Variants in ANKRD36 observed in about 807,000 individuals in gnomAD.
ANKRD36 encodes the protein ankyrin repeat domain-containing protein 36A.
Under a neutral mutation model 278.1 loss-of-function variants are expected in ANKRD36, and 179 were observed. The observed-to-expected ratio is 0.64, with a 90% confidence interval of 0.57 to 0.73. ANKRD36 has a LOEUF of 0.73. Among genes scored for constraint, ANKRD36 ranks in the 30% least tolerant of loss-of-function variants. ANKRD36 has a pLI of 0.00. For synonymous variants in ANKRD36, 320 were observed against 641.1 expected, an observed-to-expected ratio of 0.50 and a Z score of 7.57; for missense variants, 1,159 against 1,956.7, an observed-to-expected ratio of 0.59 and a Z score of 7.69.
At chr2:97,147,504 T>G (rs552883981) in intron 11 of ANKRD36, among the ~76,000 whole-genome samples, 3 of 151,984 alleles carry the variant, frequency 2.0e-5, no homozygotes, top group Admixed American at 2.0e-4. Flanking sequence ...AACATCCTGA[T>G]CAAGTGGTTG....
At chr2:97,127,838 T>A (rs946737406) in intron 6 of ANKRD36, among the ~76,000 whole-genome samples, 1 of 152,048 alleles carries the variant, frequency 6.6e-6, no homozygotes, top group Non-Finnish European at 1.5e-5. Flanking sequence ...ATTTTTTATT[T>A]GTAAAAAAAC....
chr2:97,116,550 A>G (rs1369703481), intron 1 of ANKRD36, among the ~76,000 whole-genome samples: 1 of 152,078 alleles, frequency 6.6e-6, no homozygotes, highest in Non-Finnish European at 1.5e-5. Context: ...CTGGGATTAC[A>G]GGTGTGAGCC....
At chr2:97,208,183 C>A (rs2063384350) in intron 54 of ANKRD36, among the ~76,000 whole-genome samples, 177 bp downstream of exon 54, 1 of 146,304 alleles carries the variant, frequency 6.8e-6, no homozygotes, top group African/African-American at 2.7e-5. Flanking sequence ...GGAACATGAT[C>A]TTCGCAGTAA....
intron 66 of ANKRD36, among the ~76,000 whole-genome samples, chr2:97,222,794 G>A (rs1208731567): frequency 6.6e-6 from 1 of 152,084 alleles, no homozygotes; most frequent in Non-Finnish European, 1.5e-5. Flanking sequence ...CTATATAGAA[G>A]TGTTGATATT....
At chr2:97,220,073 G>T (rs1185516650) in intron 66 of ANKRD36, among the ~76,000 whole-genome samples, 1 of 128,932 alleles carries the variant, frequency 7.8e-6, no homozygotes, top group Non-Finnish European at 1.5e-5. Flanking sequence ...GTGTGTGTGT[G>T]TGTGTGTGTG....
chr2:97,213,257 T>A (rs1406759223), intron 58 of ANKRD36, 162 bp from the exon 59 acceptor site: 1 of 257,366 alleles, frequency 3.9e-6, no homozygotes, highest in Non-Finnish European at 6.9e-6. Context: ...CCTTTTTCAG[T>A]GTATTTCTGT....
intron 8 of ANKRD36, among the ~76,000 whole-genome samples, 152 bp downstream of exon 8, chr2:97,142,987 G>A (rs2043308347): frequency 1.3e-5 from 2 of 151,958 alleles, no homozygotes; most frequent in Middle Eastern, 3.4e-3. Context: ...GGGTGACGCC[G>A]ATGCTACTGG....
chr2:97,213,788 T>C (rs1265895597), intron 60 of ANKRD36, among the ~76,000 whole-genome samples, 174 bp downstream of exon 60: 8 of 151,840 alleles, frequency 5.3e-5, no homozygotes, highest in African/African-American at 1.9e-4. Context: ...GTCTTGGACA[T>C]GATCTTTGCA....
At chr2:97,117,228 T>C (rs1290327902) in intron 1 of ANKRD36, among the ~76,000 whole-genome samples, 3 of 152,080 alleles carry the variant, frequency 2.0e-5, no homozygotes, top group African/African-American at 7.2e-5. Context: ...TTCATTTGAA[T>C]CCTGAGTTTT....
At chr2:97,193,184 A>C in intron 38 of ANKRD36, 131 bp downstream of exon 38, 3 of 989,548 alleles carry the variant, frequency 3.0e-6, no homozygotes, top group Non-Finnish European at 4.3e-6. Flanking sequence ...TCTTCATTTC[A>C]AATAAGTTCT....
At chr2:97,169,564 GCT>G (rs1299057091) in intron 22 of ANKRD36, among the ~76,000 whole-genome samples, 1 of 152,280 alleles carries the variant, frequency 6.6e-6, no homozygotes, top group Non-Finnish European at 1.5e-5. Context: ...ATCTCCTTCA[GCT>G]GATAAGCAAC....
Position 97,196,801 on chromosome 2 carries a change from A to G in ANKRD36, c.2653+13A>G, listed in dbSNP as rs1365043605. 1.3e-6 allele frequency: 2 copies of G among 1,545,108 alleles called. No individual in the cohort carries two copies. Among genetic ancestry groups the G allele is most frequent in the East Asian group, 4.9e-5 (2 of 40,860 alleles). The stretch of plus-strand genomic sequence containing the variant: ...AAATCTAGGACAGGTAATTCTGAAA[A>G]CAGATTTAATGTCATGTTCAGTCCA... On this transcript the variant is annotated intron_variant, in intron 42 of 75. Coordinates refer to ENST00000420699, the MANE Select transcript of ANKRD36 (RefSeq NM_001354587.1).
At chr2:97,129,011 G>C (rs2039362581) in intron 6 of ANKRD36, among the ~76,000 whole-genome samples, 1 of 152,064 alleles carries the variant, frequency 6.6e-6, no homozygotes, top group African/African-American at 2.4e-5. Flanking sequence ...GGGTCAAATG[G>C]TATTTCTAGT....
In ANKRD36 at chr2:97,211,615, T is replaced by G. The variant is rs761399481; in HGVS notation, c.3396+41T>G. 3 of 1,597,810 alleles carry G rather than the reference T, an allele frequency of 1.9e-6. No individual in the cohort carries two copies. In the African/African-American group the frequency reaches 4.1e-5, roughly 22 times the overall value. ...TTTATATTTTGAACTATTAACTGTA[T>G]AGTATATGAAATATACTTTATTTAT... On this transcript the variant is annotated intron_variant, in intron 57 of 75. Coordinates refer to ENST00000420699, the MANE Select transcript of ANKRD36 (RefSeq NM_001354587.1).
At chr2:97,133,933 A>G (rs2040826839) in intron 6 of ANKRD36, among the ~76,000 whole-genome samples, 1 of 151,440 alleles carries the variant, frequency 6.6e-6, no homozygotes. Flanking sequence ...CATAATAATC[A>G]CCCAAAGTCC....
chr2:97,176,946 A>G (rs1242834668), intron 22 of ANKRD36, among the ~76,000 whole-genome samples: 1 of 151,748 alleles, frequency 6.6e-6, no homozygotes, highest in Admixed American at 6.6e-5. Context: ...TCAGCCCAAA[A>G]TCTCCTTAAG....
At chr2:97,226,702 T>C (rs1176382693) in intron 67 of ANKRD36, among the ~76,000 whole-genome samples, 6 of 151,968 alleles carry the variant, frequency 3.9e-5, no homozygotes, top group Non-Finnish European at 8.8e-5. Context: ...TCCTTGCCCA[T>C]GCCTATGTCC....
intron 54 of ANKRD36, 23 bp downstream of exon 54, chr2:97,208,029 T>G: frequency 1.3e-6 from 2 of 1,503,560 alleles, no homozygotes; most frequent in Non-Finnish European, 1.8e-6. Flanking sequence ...AGAGATTTAA[T>G]GTCATGTTCA....
Position 97,113,919 on chromosome 2 carries a change from GA to G in ANKRD36, c.181del (p.Arg61GlufsTer42). 6.2e-7 allele frequency: 1 copy of G among 1,612,670 alleles called. No individual in the cohort carries two copies. The highest frequency in any genetic ancestry group is 8.5e-7 in the Non-Finnish European group (1 of 1,179,824). On this transcript the variant is annotated frameshift_variant, in exon 1 of 76. Transcript: ENST00000420699. LOFTEE classifies it high-confidence loss of function. ...LLLTYYDANK[R>X]DRKERTALHL... ...TGCTCACGTATTATGACGCCAATAA[GA>G]GAGACAGGAAGGAAAGGTAATGGGG...
Sources: allele counts gnomAD v4.1 joint callset (sites outside exome capture counted in the v4.1 genomes callset), GRCh38; gene constraint gnomAD v4.1.1; transcripts MANE v1.5; gene names NCBI Gene and HGNC (gene_info 2026-07-23, HGNC 2026-07-21).